Variants in LECT2 observed in about 807,000 individuals in gnomAD.
The protein encoded by LECT2 is leukocyte cell-derived chemotaxin-2.
In LECT2, 11 loss-of-function variants were observed where a neutral mutation model predicts 16.6. The observed-to-expected ratio is 0.66, with a 90% CI of 0.42 to 1.09. LECT2 has a LOEUF of 1.09. Ranked by LOEUF, LECT2 falls within the 50% of genes least tolerant of loss-of-function variation. LECT2 has a pLI of 0.00. For missense variants in LECT2, 173 were observed against 184.2 expected, an observed-to-expected ratio of 0.94 and a Z score of 0.35; for synonymous variants, 54 against 64.8, an observed-to-expected ratio of 0.83 and a Z score of 0.80.
At chr5:135,947,696 G>A (rs185417453) in intron 3 of LECT2, among the ~76,000 whole-genome samples, 199 bp from the exon 4 acceptor site, 297 of 152,146 alleles carry the variant, frequency 2.0e-3, no homozygotes, top group South Asian at 5.4e-3. Flanking sequence ...CAAATGAAAC[G>A]CTAATAAAGG....
Position 135,951,242 on chromosome 5 carries a change from A to G in LECT2, c.270T>C (p.Gly90=). The change falls in exon 3 of 4, where the codon GGT becomes GGC. Residue 90 remains glycine, a synonymous_variant. Coordinates refer to ENST00000274507, the MANE Select transcript of LECT2 (RefSeq NM_002302.3). Reference sequence around the variant, plus strand: ...TCTTACCTCTTCCAGATATTCGAACACCATTATTGATAGCATTCTTGTTTT... The same window carrying G: ...TCTTACCTCTTCCAGATATTCGAACGCCATTATTGATAGCATTCTTGTTTT... ...PYQNKNAINN[G]VRISGRGFCV... is the part of the protein sequence containing the mutation. The G allele has an allele frequency of 6.2e-7, 1 of 1,614,114 alleles. No individual in the cohort carries two copies.
At chr5:135,952,368 G>A (rs1580674519) in intron 2 of LECT2, among the ~76,000 whole-genome samples, 1 of 152,150 alleles carries the variant, frequency 6.6e-6, no homozygotes, top group East Asian at 1.9e-4. Context: ...GGAAGAGATA[G>A]TGGTGCTTTC....
At chr5:135,950,011 G>T (rs1432125406) in intron 3 of LECT2, among the ~76,000 whole-genome samples, 1 of 152,158 alleles carries the variant, frequency 6.6e-6, no homozygotes, top group Non-Finnish European at 1.5e-5. Context: ...AGTTTCCCTT[G>T]TGACATTGGC....
chr5:135,954,750 A>C (rs750781189), intron 1 of LECT2, 38 bp downstream of exon 1: 2 of 1,495,100 alleles, frequency 1.3e-6, no homozygotes, highest in Non-Finnish European at 9.3e-7. Context: ...CAGTTTTTAA[A>C]AGTTAATCAA....
intron 1 of LECT2, chr5:135,953,185 G>A (rs1291886944): frequency 3.9e-6 from 2 of 511,098 alleles, no homozygotes; most frequent in Middle Eastern, 3.4e-4. Flanking sequence ...GCTTTGTGAC[G>A]TTAGAGTATC....
At position 135,954,931 on chromosome 5, in the gene LECT2, A is replaced by G; in HGVS notation, c.-98T>C. ...TTGAATGAATACTTCCTAGCTATTTAGCCTTAGAATTCTGCATCTCTCATT... is the reference window on the plus strand; with the variant it reads ...TTGAATGAATACTTCCTAGCTATTTGGCCTTAGAATTCTGCATCTCTCATT... On this transcript the variant is annotated 5_prime_UTR_variant, in exon 1 of 4. Transcript: ENST00000274507. 1 of 909,992 alleles carries G rather than the reference A, an allele frequency of 1.1e-6. No individual in the cohort carries two copies. Among genetic ancestry groups the G allele is most frequent in the Non-Finnish European group, 1.8e-6 (1 of 559,844 alleles). The allele number at this position is 909,992 out of a possible 1,614,324, so 56.4% of individuals were successfully genotyped here.
At chr5:135,951,512 T>G (rs2073615) in intron 2 of LECT2, 144 bp from the exon 3 acceptor site, 53,768 of 693,936 alleles carry the variant, frequency 0.077, 2,531 homozygotes, top group East Asian at 0.14. Flanking sequence ...CCAGGATGCC[T>G]CACTCTGTTT....
intron 2 of LECT2, 32 bp from the exon 3 acceptor site, chr5:135,951,400 G>C: frequency 1.9e-6 from 3 of 1,603,400 alleles, no homozygotes; most frequent in Non-Finnish European, 2.6e-6. Flanking sequence ...ACAGACTGAG[G>C]AACTGCCTTA....
At chr5:135,953,354 A>G (rs1763822294) in intron 1 of LECT2, among the ~76,000 whole-genome samples, 1 of 152,046 alleles carries the variant, frequency 6.6e-6, no homozygotes, top group Admixed American at 6.5e-5. Context: ...GGTGCGCACC[A>G]CCACACCCAG....
chr5:135,952,809 A>T lies in LECT2; in HGVS notation c.143+62T>A. Reference sequence around the variant, plus strand: ...CCCTTGAGGCAACCAACGTTGGGCAAGGACACTAAGAAAAGAGGTTAGGGA... The same window carrying T: ...CCCTTGAGGCAACCAACGTTGGGCATGGACACTAAGAAAAGAGGTTAGGGA... On this transcript the variant is annotated intron_variant, in intron 2 of 3. Transcript: ENST00000274507. The T allele has an allele frequency of 1.3e-5, 16 of 1,219,728 alleles. No homozygotes were observed. The East Asian group carries it at 3.5e-4, about 27-fold the overall frequency. 75.6% of individuals were successfully genotyped at this position (1,219,728 alleles called of 1,614,324 possible).
intron 1 of LECT2, among the ~76,000 whole-genome samples, chr5:135,954,233 G>A (rs1763831149): frequency 6.6e-6 from 1 of 152,182 alleles, no homozygotes; most frequent in South Asian, 2.1e-4. Context: ...TTTAAAAGGT[G>A]GGTTTCAAAA....
intron 3 of LECT2, among the ~76,000 whole-genome samples, chr5:135,948,411 T>G (rs2051274424): frequency 6.6e-6 from 1 of 152,134 alleles, no homozygotes; most frequent in South Asian, 2.1e-4. Context: ...TGTAAAATTA[T>G]GCTGTCCAAT....
At chr5:135,953,598 A>G (rs746068548) in intron 1 of LECT2, among the ~76,000 whole-genome samples, 5 of 152,212 alleles carry the variant, frequency 3.3e-5, no homozygotes, top group Non-Finnish European at 5.9e-5. Context: ...TTCTTTGCTC[A>G]TTATCTGCCA....
chr5:135,947,145 G>A lies in LECT2; in HGVS notation c.*186C>T, dbSNP rs1763714282. The A allele has an allele frequency of 7.8e-6, 4 of 512,990 alleles. No individual in the cohort carries two copies. The highest frequency in any genetic ancestry group is 1.4e-5 in the Non-Finnish European group (4 of 296,208). 31.8% of individuals were successfully genotyped at this position (512,990 alleles called of 1,614,324 possible). ...TTTTTGTGGGTACATAGGTGTATTTGTTTATGAGGTACGTGAGATGTTTTG... is the reference window on the plus strand; with the variant it reads ...TTTTTGTGGGTACATAGGTGTATTTATTTATGAGGTACGTGAGATGTTTTG... On this transcript the variant is annotated 3_prime_UTR_variant, in exon 4 of 4. Transcript: ENST00000274507.
chr5:135,949,889 G>A (rs921104957), intron 3 of LECT2, among the ~76,000 whole-genome samples: 1 of 152,190 alleles, frequency 6.6e-6, no homozygotes, highest in Non-Finnish European at 1.5e-5. Context: ...ATGATTACTA[G>A]CCAGTGTCAC....
intron 2 of LECT2, among the ~76,000 whole-genome samples, chr5:135,952,388 T>C (rs1041564687): frequency 2.0e-5 from 3 of 152,158 alleles, no homozygotes; most frequent in African/African-American, 7.2e-5. Context: ...CTCTCCTGCT[T>C]AGGGCCAGCC....
chr5:135,950,959 AC>A, intron 3 of LECT2: 1 of 515,054 alleles, frequency 1.9e-6, no homozygotes, highest in South Asian at 3.6e-5. Context: ...TATGCTTATT[AC>A]CTGGGTGACA....
At position 135,947,288 on chromosome 5, in the gene LECT2, A is replaced by C. The variant is rs1436077638; in HGVS notation, c.*43T>G. The C allele has an allele frequency of 3.8e-6, 6 of 1,585,962 alleles. No individual in the cohort carries two copies. Among genetic ancestry groups the C allele is most frequent in the Non-Finnish European group, 4.3e-6 (5 of 1,159,800 alleles). On this transcript the variant is annotated 3_prime_UTR_variant, in exon 4 of 4. Transcript: ENST00000274507. ...GAGAAGGGTATGCATCCAGGTTTTT[A>C]AGATGACTTTTTATTTTGAAGATCT...
chr5:135,952,339 A>G (rs1163763030), intron 2 of LECT2, among the ~76,000 whole-genome samples: 1 of 152,206 alleles, frequency 6.6e-6, no homozygotes, highest in Non-Finnish European at 1.5e-5. Context: ...AAAATTCACA[A>G]GTGTGACCCT....
Sources: gnomAD v4.1 joint callset for allele counts (sites outside exome capture counted in the v4.1 genomes callset) on GRCh38, gnomAD v4.1.1 for gene constraint, MANE v1.5 for transcripts, NCBI Gene and HGNC (gene_info 2026-07-23, HGNC 2026-07-21) for gene names.